The following YTHDC2 variants were observed in gnomAD, a reference collection of about 807,000 sequenced individuals.
YTHDC2 encodes YTH N6-methyladenosine RNA binding protein C2.
In YTHDC2, 45 loss-of-function variants were observed where a neutral mutation model predicts 174.9. The ratio of observed to expected loss-of-function variants is 0.26; its 90% confidence interval spans 0.20 to 0.33. The LOEUF is 0.33. Ranked by LOEUF, YTHDC2 falls within the 10% of genes least tolerant of loss-of-function variation. The pLI is 1.00. For synonymous variants in YTHDC2, 657 were observed against 574.5 expected, an observed-to-expected ratio of 1.14 and a Z score of -2.05; for missense variants, 1,650 against 1,723.7, an observed-to-expected ratio of 0.96 and a Z score of 0.76.
Position 113,514,134 on chromosome 5 carries a change from C to T in YTHDC2, c.187+52C>T, listed in dbSNP as rs1773226216. ...GGCAGTCAGGATACCCCCCTCACCC[C>T]AGCGCCCCCCAAACGGCGGCCCACC... On this transcript the variant is annotated intron_variant, in intron 1 of 29. Coordinates refer to ENST00000161863, the MANE Select transcript of YTHDC2 (RefSeq NM_022828.5). 3.8e-6 allele frequency: 6 copies of T among 1,563,042 alleles called. No individual in the cohort carries two copies. The South Asian group carries it at 7.0e-5, about 18-fold the overall frequency.
At chr5:113,589,756 C>T (rs1322806453) in intron 26 of YTHDC2, among the ~76,000 whole-genome samples, 1 of 151,896 alleles carries the variant, frequency 6.6e-6, no homozygotes, top group East Asian at 1.9e-4. Flanking sequence ...ATAATATCTT[C>T]CATTTCTCCT....
At chr5:113,591,954 TCTC>T (rs746964848) in intron 27 of YTHDC2, 39 bp from the exon 28 acceptor site, 4 of 1,389,722 alleles carry the variant, frequency 2.9e-6, no homozygotes, top group Admixed American at 2.6e-5. Flanking sequence ...GACATGCTAA[TCTC>T]CTCCTCACCT....
rs779100803 is a variant in YTHDC2 at position 113,584,440 on chromosome 5, A to G, written c.3786A>G (p.Pro1262=). 2.0e-5 allele frequency: 32 copies of G among 1,613,468 alleles called. No homozygotes were observed. In the East Asian group the frequency reaches 4.5e-4, roughly 22 times the overall value. The part of the protein sequence containing the change: ...SLKSTDSSSY[P]SPCASPSPPS... ...AATCTACAGACAGCAGTAGTTACCC[A>G]AGTCCTTGTGCTAGTCCTTCTCCTC... Residue 1262 remains proline, a synonymous_variant, in exon 26 of 30, where the codon CCA becomes CCG. Coordinates refer to ENST00000161863, the MANE Select transcript of YTHDC2 (RefSeq NM_022828.5).
At chr5:113,575,367 G>C (rs1777975349) in intron 23 of YTHDC2, among the ~76,000 whole-genome samples, 1 of 152,182 alleles carries the variant, frequency 6.6e-6, no homozygotes, top group South Asian at 2.1e-4. Context: ...ACAGTAGTGA[G>C]GGTAGACAGA....
At chr5:113,528,112 A>C (rs921403881) in intron 4 of YTHDC2, among the ~76,000 whole-genome samples, 6 of 152,328 alleles carry the variant, frequency 3.9e-5, no homozygotes, top group African/African-American at 1.2e-4. Context: ...AGATTATGGA[A>C]GTTTCGATAA....
At chr5:113,590,726 A>G (rs1345381743) in intron 26 of YTHDC2, among the ~76,000 whole-genome samples, 2 of 152,178 alleles carry the variant, frequency 1.3e-5, no homozygotes, top group Admixed American at 6.6e-5. Context: ...CTGGAGAAGT[A>G]TTTGTTTTGT....
chr5:113,551,844 C>G (rs1470524329), intron 12 of YTHDC2, among the ~76,000 whole-genome samples: 1 of 152,012 alleles, frequency 6.6e-6, no homozygotes, highest in Non-Finnish European at 1.5e-5. Context: ...CTGCTAAATT[C>G]TTTAAGAGAG....
chr5:113,529,720 TTTA>T (rs1774523628), intron 4 of YTHDC2, among the ~76,000 whole-genome samples: 1 of 152,162 alleles, frequency 6.6e-6, no homozygotes, highest in Non-Finnish European at 1.5e-5. Context: ...TTTAGAGTGC[TTTA>T]TTATATATTA....
intron 2 of YTHDC2, among the ~76,000 whole-genome samples, chr5:113,520,214 C>T (rs995461878): frequency 7.2e-5 from 11 of 152,222 alleles, no homozygotes; most frequent in Non-Finnish European, 8.8e-5. Flanking sequence ...TCGATGTCCC[C>T]GCAAAGGACA....
At chr5:113,535,879 G>T in intron 7 of YTHDC2, 81 bp downstream of exon 7, 1 of 1,229,232 alleles carries the variant, frequency 8.1e-7, no homozygotes, top group South Asian at 1.6e-5. Flanking sequence ...AGAAACTGGG[G>T]AATGTTCTGA....
chr5:113,589,999 T>C (rs1012376749), intron 26 of YTHDC2, among the ~76,000 whole-genome samples: 3 of 152,204 alleles, frequency 2.0e-5, no homozygotes, highest in Non-Finnish European at 4.4e-5. Context: ...CATATGCACA[T>C]GAGAAACGGG....
rs370560899 is a variant in YTHDC2, at chr5:113,533,152, T to C, written c.842+107T>C. 5.4e-6 allele frequency: 7 copies of C among 1,293,802 alleles called. No individual in the cohort carries two copies. In the Admixed American group the frequency reaches 1.6e-4, roughly 30 times the overall value. 80.1% of individuals were successfully genotyped at this position (1,293,802 alleles called of 1,614,324 possible). On this transcript the variant is annotated intron_variant, in intron 5 of 29. Coordinates refer to ENST00000161863, the MANE Select transcript of YTHDC2 (RefSeq NM_022828.5). ...TCGTTGAAAAGTTAGGTGATCATTTTGCTCCAAGTAAGTCTACATCAAGAT... is the reference window on the plus strand; with the variant it reads ...TCGTTGAAAAGTTAGGTGATCATTTCGCTCCAAGTAAGTCTACATCAAGAT...
chr5:113,517,352 A>G (rs1043546413), intron 2 of YTHDC2, among the ~76,000 whole-genome samples: 1 of 152,230 alleles, frequency 6.6e-6, no homozygotes, highest in African/African-American at 2.4e-5. Context: ...TTATAAATGT[A>G]CAGTTCTGTA....
chr5:113,549,732 C>T (rs1451031421), intron 12 of YTHDC2, among the ~76,000 whole-genome samples: 2 of 151,914 alleles, frequency 1.3e-5, no homozygotes, highest in African/African-American at 2.4e-5. Flanking sequence ...TCTACGTATT[C>T]TTTTTTTCTC....
intron 4 of YTHDC2, 26 bp downstream of exon 4, chr5:113,526,811 G>C: frequency 1.6e-4 from 42 of 259,392 alleles, no homozygotes; most frequent in Non-Finnish European, 2.1e-4. Flanking sequence ...GTTGTTTATA[G>C]AAAAAAAAAA....
intron 26 of YTHDC2, 147 bp downstream of exon 26, chr5:113,584,626 T>G: frequency 1.5e-6 from 1 of 673,174 alleles, no homozygotes; most frequent in South Asian, 3.0e-5. Context: ...TGATACAGTT[T>G]GAGTAAATTT....
chr5:113,578,065 A>G (rs1580631969), intron 23 of YTHDC2, among the ~76,000 whole-genome samples: 1 of 152,102 alleles, frequency 6.6e-6, no homozygotes, highest in Admixed American at 6.5e-5. Flanking sequence ...ATTAAGGTCC[A>G]TTTTGTCTTA....
intron 23 of YTHDC2, among the ~76,000 whole-genome samples, chr5:113,570,087 A>T (rs1777618549): frequency 6.6e-6 from 1 of 151,000 alleles, no homozygotes; most frequent in Non-Finnish European, 1.5e-5. Context: ...ATTTTATTTT[A>T]CTTTATTTTA....
At position 113,567,680 on chromosome 5, in the gene YTHDC2, A is replaced by C. The variant is rs201019516; in HGVS notation, c.3075A>C (p.Ala1025=). 6.1e-5 allele frequency: 98 copies of C among 1,604,360 alleles called. No homozygotes were observed. Among genetic ancestry groups the C allele is most frequent in the Non-Finnish European group, 7.7e-5 (91 of 1,176,658 alleles). The part of the protein sequence containing the change: ...KKIPPANGQA[A]AIKALPTDWL... ...TTCCTCCAGCCAATGGTCAAGCTGC[A>C]GCAATTAAGGCACTGCCCACAGATT... Residue 1025 remains alanine, a synonymous_variant, in exon 23 of 30, where the codon GCA becomes GCC. Coordinates refer to ENST00000161863, the MANE Select transcript of YTHDC2 (RefSeq NM_022828.5).
Sources: allele counts gnomAD v4.1 joint callset (sites outside exome capture counted in the v4.1 genomes callset), GRCh38; gene constraint gnomAD v4.1.1; transcripts MANE v1.5; gene names NCBI Gene and HGNC (gene_info 2026-07-23, HGNC 2026-07-21).